Variants in ZNF385D observed in about 807,000 individuals in gnomAD.
ZNF385D encodes the protein zinc finger protein 385D, also known as zinc finger protein 659.
ZNF385D carries 15 observed loss-of-function variants against 35.8 expected under a neutral mutation model. That is an observed-to-expected ratio of 0.42 (90% CI 0.28 to 0.64). The LOEUF (loss-of-function observed/expected upper bound fraction) is 0.64. ZNF385D is among the 30% of genes least tolerant of loss of function. The pLI is 0.23. For missense variants in ZNF385D, 474 were observed against 494.6 expected, an observed-to-expected ratio of 0.96 and a Z score of 0.39; for synonymous variants, 212 against 186.8, an observed-to-expected ratio of 1.13 and a Z score of -1.10.
At chr3:21,688,902 T>G (rs953918151) in intron 1 of ZNF385D, among the ~76,000 whole-genome samples, 10 of 152,152 alleles carry the variant, frequency 6.6e-5, no homozygotes, top group African/African-American at 2.4e-4. Context: ...GTGCTTGTGT[T>G]TCCAACAACA....
chr3:22,002,021 T>C (rs116019344), intron 3 of ZNF385D, among the ~76,000 whole-genome samples: 12 of 151,890 alleles, frequency 7.9e-5, no homozygotes, highest in East Asian at 7.7e-4. Context: ...TGTAACAATA[T>C]AGCTCAAGGT....
chr3:22,301,881 T>C (rs990637701), intron 2 of ZNF385D, among the ~76,000 whole-genome samples: 10 of 152,124 alleles, frequency 6.6e-5, no homozygotes, highest in African/African-American at 2.4e-4. Flanking sequence ...TATTCTCTGC[T>C]TTTTGTTATT....
chr3:21,936,478 C>T (rs551001186), intron 3 of ZNF385D, among the ~76,000 whole-genome samples: 1 of 152,016 alleles, frequency 6.6e-6, no homozygotes. Context: ...ACTAGCCCTA[C>T]TCTGTGAGAT....
intron 3 of ZNF385D, among the ~76,000 whole-genome samples, chr3:22,047,213 T>C (rs1409261783): frequency 2.6e-5 from 4 of 152,122 alleles, no homozygotes; most frequent in Non-Finnish European, 4.4e-5. Flanking sequence ...TATGCATTAG[T>C]TTGATCATGC....
At chr3:21,636,578 G>GGAAGCATCCAGCACA (rs1241733616) in intron 2 of ZNF385D, among the ~76,000 whole-genome samples, 1 of 151,288 alleles carries the variant, frequency 6.6e-6, no homozygotes, top group Non-Finnish European at 1.5e-5. Context: ...GATGTAGCCT[G>GGAAGCATCCAGCACA]GGAGGTTAAG....
intron 3 of ZNF385D, among the ~76,000 whole-genome samples, chr3:21,543,413 CCTTTTCACGGT>C (rs1475077800): frequency 6.6e-6 from 1 of 152,010 alleles, no homozygotes; most frequent in Non-Finnish European, 1.5e-5. Flanking sequence ...GGGTCGGGGG[CCTTTTCACGGT>C]CTTTTCCTTT....
At chr3:21,547,915 G>C (rs966265083) in intron 3 of ZNF385D, among the ~76,000 whole-genome samples, 5 of 152,056 alleles carry the variant, frequency 3.3e-5, no homozygotes, top group African/African-American at 1.2e-4. Flanking sequence ...CCGGCCACAC[G>C]TACTTCTTTA....
rs566111049 is a variant in ZNF385D at position 21,590,035 on chromosome 3, G to C, written c.166-25351C>G. On this transcript the variant is annotated intron_variant, in intron 2 of 7. Coordinates refer to ENST00000281523, the MANE Select transcript of ZNF385D (RefSeq NM_024697.3). Reference sequence around the variant, plus strand: ...TAAAGACTCATGCAGCTGTGGACAAGTAGGCATGTGCAAGAGCATTATTAA... The same window carrying C: ...TAAAGACTCATGCAGCTGTGGACAACTAGGCATGTGCAAGAGCATTATTAA... 2.6e-5 allele frequency among the ~76,000 whole-genome samples: 4 copies of C among 152,246 alleles called. No individual in the cohort carries two copies. In the East Asian group the frequency reaches 7.7e-4, roughly 29 times the overall value.
At chr3:22,323,936 A>G (rs1028875435) in intron 2 of ZNF385D, among the ~76,000 whole-genome samples, 1 of 152,194 alleles carries the variant, frequency 6.6e-6, no homozygotes, top group African/African-American at 2.4e-5. Context: ...TAACTAATAT[A>G]TACTATCCAC....
intron 3 of ZNF385D, among the ~76,000 whole-genome samples, chr3:21,804,133 G>A (rs1377543390): frequency 6.6e-6 from 1 of 152,146 alleles, no homozygotes; most frequent in Non-Finnish European, 1.5e-5. Context: ...TAAATTTCTT[G>A]TGCATATGTT....
chr3:22,344,004 T>A (rs943036579), intron 2 of ZNF385D, among the ~76,000 whole-genome samples: 5 of 152,122 alleles, frequency 3.3e-5, no homozygotes, highest in Admixed American at 1.3e-4. Context: ...TTATTTAAGA[T>A]CCAACTCAAC....
chr3:22,274,463 G>T lies in ZNF385D; in HGVS notation c.106+97987C>A, dbSNP rs1701326441. 2.0e-5 allele frequency among the ~76,000 whole-genome samples: 3 copies of T among 151,898 alleles called. No individual in the cohort carries two copies. The South Asian group carries it at 6.2e-4, about 31-fold the overall frequency. On this transcript the variant is annotated intron_variant, in intron 2 of 5. Transcript: ENST00000494108. ...TAATAGAAACTACTTAGAATGTCCA[G>T]TATTAGGCTCTGAGGAAGCATGGAT... is the stretch of plus-strand genomic sequence containing the variant.
intron 3 of ZNF385D, among the ~76,000 whole-genome samples, chr3:21,789,059 T>A (rs1450277912): frequency 6.6e-6 from 1 of 151,956 alleles, no homozygotes; most frequent in East Asian, 1.9e-4. Flanking sequence ...GAAAAAAAAA[T>A]TAAGACAATA....
chr3:22,212,093 T>C (rs561716437), intron 2 of ZNF385D, among the ~76,000 whole-genome samples: 1 of 152,150 alleles, frequency 6.6e-6, no homozygotes, highest in East Asian at 1.9e-4. Flanking sequence ...GTTTAGCTTT[T>C]TTCTTCACAA....
At chr3:21,760,784 G>A (rs183290323) in intron 3 of ZNF385D, among the ~76,000 whole-genome samples, 1 of 152,136 alleles carries the variant, frequency 6.6e-6, no homozygotes, top group Non-Finnish European at 1.5e-5. Context: ...ATTTAACTGA[G>A]AGAACAAAGC....
intron 2 of ZNF385D, among the ~76,000 whole-genome samples, chr3:22,219,097 T>C (rs879319654): frequency 3.3e-5 from 5 of 152,174 alleles, no homozygotes; most frequent in Non-Finnish European, 7.4e-5. Context: ...AACTCTATGG[T>C]GACGATCTGT....
intron 5 of ZNF385D, among the ~76,000 whole-genome samples, chr3:21,436,666 A>C (rs1322450508): frequency 6.6e-6 from 1 of 152,174 alleles, no homozygotes; most frequent in Non-Finnish European, 1.5e-5. Context: ...CATGTAAATA[A>C]ATAAACAAAC....
chr3:21,762,191 T>C (rs2070648567), intron 3 of ZNF385D, among the ~76,000 whole-genome samples: 3 of 152,116 alleles, frequency 2.0e-5, no homozygotes, highest in South Asian at 4.1e-4. Context: ...TTCCCTTTTT[T>C]ATTTTCTAAT....
intron 2 of ZNF385D, among the ~76,000 whole-genome samples, chr3:22,320,956 A>C (rs1050740722): frequency 6.6e-6 from 1 of 151,994 alleles, no homozygotes; most frequent in Non-Finnish European, 1.5e-5. Context: ...CGTTAACAAA[A>C]GTAAACATTT....
Sources: gnomAD v4.1 joint callset for allele counts (sites outside exome capture counted in the v4.1 genomes callset) on GRCh38, gnomAD v4.1.1 for gene constraint, MANE v1.5 for transcripts, NCBI Gene and HGNC (gene_info 2026-07-23, HGNC 2026-07-21) for gene names.